SHROOM4: variants seen among roughly 807,000 people sequenced by gnomAD.
SHROOM4 encodes shroom family member 4, also known as protein Shroom4.
Under a neutral mutation model 80.3 loss-of-function variants are expected in SHROOM4, and 17 were observed. That is an observed-to-expected ratio of 0.21 (90% CI 0.14 to 0.32). The LOEUF is 0.32. SHROOM4 is among the 10% of genes least tolerant of loss of function. The pLI is 1.00. For synonymous variants in SHROOM4, 400 were observed against 437.5 expected (o/e 0.91, Z 1.07); for missense variants, 993 against 1,140.3 (o/e 0.87, Z 1.86).
intron 1 of SHROOM4, among the ~76,000 whole-genome samples, chrX:50,736,111 G>C (rs1332325864): frequency 9.1e-6 from 1 of 110,178 alleles, no homozygotes; most frequent in African/African-American, 3.3e-5. Context: ...TAGAATCAAA[G>C]AATCAGGTAA....
intron 5 of SHROOM4, among the ~76,000 whole-genome samples, chrX:50,617,414 C>T (rs1039547957): frequency 9.0e-6 from 1 of 111,315 alleles, no homozygotes; most frequent in Non-Finnish European, 1.9e-5. Context: ...GACCTCAAGT[C>T]CCAGCTCAAC....
intron 2 of SHROOM4, among the ~76,000 whole-genome samples, chrX:50,662,512 A>G (rs1276003394): frequency 9.0e-6 from 1 of 110,980 alleles, no homozygotes; most frequent in Non-Finnish European, 1.9e-5. Context: ...AAAAAAAAAA[A>G]GTGTTATGAT....
At chrX:50,611,244 G>A (rs782254844) in intron 5 of SHROOM4, among the ~76,000 whole-genome samples, 112 of 100,980 alleles carry the variant, frequency 1.1e-3, no homozygotes, top group Non-Finnish European at 1.6e-3. Context: ...CGCCTCCCGG[G>A]TTCACGCCAT....
At position 50,651,860 on chromosome X, in the gene SHROOM4, A is replaced by G. The variant is rs184726596; in HGVS notation, c.270-13552T>C. Reference sequence around the variant, plus strand: ...TGGTTTTCTGTTCCTGTGTTAGTTTACCTAGAATGATGGTTTCCAGCTTCA... The same window carrying G: ...TGGTTTTCTGTTCCTGTGTTAGTTTGCCTAGAATGATGGTTTCCAGCTTCA... On this transcript the variant is annotated intron_variant, in intron 2 of 8. Transcript: ENST00000376020. Among the ~76,000 whole-genome samples the G allele has an allele frequency of 9.2e-4, 100 of 109,153 alleles. No individual in the cohort carries two copies. The East Asian group carries it at 9.8e-3, about 11-fold the overall frequency. The allele number at this position is 109,153 out of a possible 115,157, so 94.8% of individuals were successfully genotyped here. A position where few individuals can be genotyped will look rare whatever the true frequency, so the allele number is the denominator to read the frequency against.
At chrX:50,665,536 G>C (rs1193197934) in intron 2 of SHROOM4, among the ~76,000 whole-genome samples, 1 of 110,249 alleles carries the variant, frequency 9.1e-6, no homozygotes, top group African/African-American at 3.3e-5. Context: ...CGCTGAGACA[G>C]AGGTAGGTAG....
intron 1 of SHROOM4, among the ~76,000 whole-genome samples, chrX:50,792,929 A>C (rs782054483): frequency 9.8e-6 from 1 of 102,013 alleles, no homozygotes; most frequent in South Asian, 4.9e-4. Context: ...AGAACTACAT[A>C]CTAGATCCAG....
chrX:50,673,283 G>C (rs1932816928), intron 2 of SHROOM4, among the ~76,000 whole-genome samples: 1 of 110,426 alleles, frequency 9.1e-6, no homozygotes, highest in African/African-American at 3.3e-5. Flanking sequence ...GAAGCATAAA[G>C]AGATGTAAAG....
intron 3 of SHROOM4, 103 bp from the exon 4 acceptor site, chrX:50,635,771 AGGGTAGGC>A: frequency 3.2e-6 from 2 of 624,368 alleles, no homozygotes; most frequent in Admixed American, 6.3e-5. Flanking sequence ...AAAAGAGAGG[AGGGTAGGC>A]AAAAAAAAAA....
At chrX:50,745,071 A>G (rs782655203) in intron 1 of SHROOM4, among the ~76,000 whole-genome samples, 53 of 111,757 alleles carry the variant, frequency 4.7e-4, no homozygotes, top group Non-Finnish European at 7.7e-4. Flanking sequence ...CATAAATATC[A>G]TATCTCTGGT....
At chrX:50,797,508 C>T (rs1557272222) in intron 1 of SHROOM4, among the ~76,000 whole-genome samples, 1 of 111,672 alleles carries the variant, frequency 9.0e-6, no homozygotes. Context: ...TGAAAAGACA[C>T]ACAGAAATAT....
chrX:50,701,029 G>A (rs1933501472), intron 1 of SHROOM4, among the ~76,000 whole-genome samples: 1 of 111,623 alleles, frequency 9.0e-6, no homozygotes, highest in African/African-American at 3.3e-5. Flanking sequence ...GGGCTCCCCT[G>A]ACCTTGAGCC....
In SHROOM4 at chrX:50,721,504, T is replaced by A. The variant is rs781921460; in HGVS notation, c.118-25567A>T. Among the ~76,000 whole-genome samples, 3 of 111,933 alleles carry A rather than the reference T, an allele frequency of 2.7e-5. No homozygotes were observed. In the East Asian group the frequency reaches 8.5e-4, roughly 32 times the overall value. On this transcript the variant is annotated intron_variant, in intron 1 of 8. Transcript: ENST00000376020. ...GCTGGATGGAGTGTAACAGTGAGGA[T>A]AACCAGAGGTCACTCTGGTCGCCAT...
At position 50,681,199 on chromosome X, in the gene SHROOM4, T is replaced by A. The variant is rs1160176436; in HGVS notation, c.269+14587A>T. ...CTTCCTCTCTGCCCCCTACAGTCTG[T>A]TTCCCATACAGCAGCCACGGTGATC... On this transcript the variant is annotated intron_variant, in intron 2 of 8. Coordinates refer to ENST00000376020, the MANE Select transcript of SHROOM4 (RefSeq NM_020717.5). Among the ~76,000 whole-genome samples the A allele has an allele frequency of 3.6e-5, 4 of 111,397 alleles. No individual in the cohort carries two copies. In the Admixed American group the frequency reaches 3.8e-4, roughly 11 times the overall value.
Position 50,814,165 on chromosome X carries a change from G to A in SHROOM4, c.-147C>T. ...CTACTCTCCCGGCTGGAGACGCTCA[G>A]GCAGCGAGCGAGCGCAAGGAGGAAA... On this transcript the variant is annotated 5_prime_UTR_variant, in exon 1 of 9. Coordinates refer to ENST00000376020, the MANE Select transcript of SHROOM4 (RefSeq NM_020717.5). 2.1e-6 allele frequency: 1 copy of A among 474,800 alleles called. No individual in the cohort carries two copies. The highest frequency in any genetic ancestry group is 3.8e-6 in the Non-Finnish European group (1 of 265,397). 39.1% of individuals were successfully genotyped at this position (474,800 alleles called of 1,213,427 possible).
At chrX:50,736,120 A>T (rs1467343081) in intron 1 of SHROOM4, among the ~76,000 whole-genome samples, 2 of 111,085 alleles carry the variant, frequency 1.8e-5, no homozygotes, top group African/African-American at 6.6e-5. Flanking sequence ...AGAATCAGGT[A>T]ACAACAAGCA....
At chrX:50,723,471 G>C (rs183952953) in intron 1 of SHROOM4, among the ~76,000 whole-genome samples, 8 of 109,271 alleles carry the variant, frequency 7.3e-5, no homozygotes, top group Non-Finnish European at 1.5e-4. Flanking sequence ...AGACCCTCCT[G>C]TTCTTTAGGA....
intron 4 of SHROOM4, among the ~76,000 whole-genome samples, chrX:50,630,127 G>T (rs1419844124): frequency 9.0e-6 from 1 of 111,127 alleles, no homozygotes; most frequent in Non-Finnish European, 1.9e-5. Flanking sequence ...TCACCCGCAT[G>T]CATTACTGCT....
chrX:50,784,256 T>G (rs1257681146), intron 1 of SHROOM4, among the ~76,000 whole-genome samples: 9 of 112,253 alleles, frequency 8.0e-5, no homozygotes, highest in African/African-American at 2.9e-4. Flanking sequence ...CATCTCAGCC[T>G]CCTGCATAGC....
chrX:50,639,869 G>T (rs1438788654), intron 2 of SHROOM4, among the ~76,000 whole-genome samples: 1 of 112,283 alleles, frequency 8.9e-6, no homozygotes, highest in Non-Finnish European at 1.9e-5. Context: ...AGGAGGAAGG[G>T]CAGGGGAAGC....
Sources: gnomAD v4.1 joint callset for allele counts (sites outside exome capture counted in the v4.1 genomes callset) on GRCh38, gnomAD v4.1.1 for gene constraint, MANE v1.5 for transcripts, NCBI Gene and HGNC (gene_info 2026-07-23, HGNC 2026-07-21) for gene names.